The following ADAMTSL1 variants were observed in gnomAD, a reference collection of about 807,000 sequenced individuals.
ADAMTSL1 encodes the protein ADAMTS-like protein 1.
In ADAMTSL1, 126 loss-of-function variants were observed where a neutral mutation model predicts 201.8. That is an observed-to-expected ratio of 0.62 (90% CI 0.54 to 0.72). ADAMTSL1 has a LOEUF of 0.72. Among genes scored for constraint, ADAMTSL1 ranks in the 30% least tolerant of loss-of-function variants. ADAMTSL1 has a pLI of 0.00. For synonymous variants in ADAMTSL1, 1,121 were observed against 903.4 expected (o/e 1.24, Z -4.32); for missense variants, 2,679 against 2,277.8 (o/e 1.18, Z -3.59).
At chr9:18,335,594 T>A (rs59472867) in intron 2 of ADAMTSL1, among the ~76,000 whole-genome samples, 5,803 of 152,246 alleles carry the variant, frequency 0.038, 392 homozygotes, top group African/African-American at 0.13. Context: ...GTGCTTCACA[T>A]GTTCAAGACA....
chr9:18,577,654 A>G (rs1465211972), intron 4 of ADAMTSL1, among the ~76,000 whole-genome samples: 10 of 152,214 alleles, frequency 6.6e-5, no homozygotes, highest in Admixed American at 1.3e-4. Flanking sequence ...AAAATGTTTA[A>G]TAAACTGTAA....
At chr9:17,956,888 T>G (rs1827953235) in intron 1 of ADAMTSL1, among the ~76,000 whole-genome samples, 1 of 152,164 alleles carries the variant, frequency 6.6e-6, no homozygotes, top group African/African-American at 2.4e-5. Context: ...GCCCCTGGTT[T>G]GAATATGAAA....
chr9:18,144,866 G>C (rs1288641490), intron 1 of ADAMTSL1, among the ~76,000 whole-genome samples: 1 of 152,026 alleles, frequency 6.6e-6, no homozygotes, highest in Non-Finnish European at 1.5e-5. Context: ...CTAAACAGTG[G>C]GACTATGATG....
intron 1 of ADAMTSL1, among the ~76,000 whole-genome samples, chr9:18,500,057 A>G (rs1268109684): frequency 2.6e-5 from 4 of 152,224 alleles, no homozygotes; most frequent in Non-Finnish European, 5.9e-5. Context: ...CCAGGTTCCA[A>G]TGAAAGAGGC....
At chr9:18,903,826 G>T (rs1830143146) in intron 26 of ADAMTSL1, among the ~76,000 whole-genome samples, 1 of 150,498 alleles carries the variant, frequency 6.6e-6, no homozygotes, top group South Asian at 2.1e-4. Context: ...ACATACATGG[G>T]TTTCACATCC....
intron 1 of ADAMTSL1, among the ~76,000 whole-genome samples, chr9:18,100,458 C>G (rs567117805): frequency 1.8e-4 from 28 of 152,122 alleles, no homozygotes; most frequent in Non-Finnish European, 3.2e-4. Flanking sequence ...GATGGGCCAC[C>G]ATGCCTGGCT....
chr9:18,372,337 G>A (rs927579924), intron 2 of ADAMTSL1, among the ~76,000 whole-genome samples: 4 of 152,140 alleles, frequency 2.6e-5, no homozygotes, highest in African/African-American at 4.8e-5. Flanking sequence ...AAAGGTAATC[G>A]CATGCCGTGA....
At chr9:18,778,458 C>T (rs1821194516) in intron 19 of ADAMTSL1, among the ~76,000 whole-genome samples, 3 of 152,182 alleles carry the variant, frequency 2.0e-5, no homozygotes, top group Non-Finnish European at 2.9e-5. Context: ...CCTAATATCT[C>T]CTGTTGTCTC....
chr9:18,765,364 G>A (rs1031191120), intron 16 of ADAMTSL1, among the ~76,000 whole-genome samples: 1 of 152,154 alleles, frequency 6.6e-6, no homozygotes, highest in Non-Finnish European at 1.5e-5. Context: ...ATCTGAGTGT[G>A]AATTATAATC....
chr9:18,618,617 G>A lies in ADAMTSL1; in HGVS notation c.475-3626G>A, dbSNP rs1039024369. On this transcript the variant is annotated intron_variant, in intron 4 of 28. Coordinates refer to ENST00000380548, the MANE Select transcript of ADAMTSL1 (RefSeq NM_001040272.6). The stretch of plus-strand genomic sequence containing the variant: ...AAAAAGATGCAATCCGTCCAAGTGC[G>A]GTTCAGGAAACAGGATCTTTCTCTC... Among the ~76,000 whole-genome samples the A allele has an allele frequency of 6.0e-5, 9 of 150,804 alleles. No homozygotes were observed. The East Asian group carries it at 1.2e-3, about 20-fold the overall frequency.
intron 2 of ADAMTSL1, among the ~76,000 whole-genome samples, chr9:18,521,432 C>A (rs770268601): frequency 6.6e-6 from 1 of 151,368 alleles, no homozygotes; most frequent in African/African-American, 2.4e-5. Flanking sequence ...AATACATACA[C>A]CTACTAGATA....
intron 26 of ADAMTSL1, among the ~76,000 whole-genome samples, chr9:18,895,964 T>C (rs1053080110): frequency 3.3e-5 from 5 of 152,178 alleles, no homozygotes; most frequent in African/African-American, 9.7e-5. Context: ...TAGAACTGAA[T>C]TGAAAATTTT....
intron 2 of ADAMTSL1, among the ~76,000 whole-genome samples, chr9:18,168,494 A>G (rs1282855853): frequency 1.3e-5 from 2 of 151,920 alleles, no homozygotes; most frequent in African/African-American, 4.8e-5. Context: ...CATGGTATAT[A>G]TGTGCCACAT....
intron 1 of ADAMTSL1, among the ~76,000 whole-genome samples, chr9:17,987,234 C>G (rs1818965004): frequency 2.0e-5 from 3 of 152,078 alleles, no homozygotes; most frequent in African/African-American, 7.2e-5. Context: ...CCTGGTATTA[C>G]TATCGTAGTG....
At chr9:18,544,671 A>G (rs1564033061) in intron 3 of ADAMTSL1, among the ~76,000 whole-genome samples, 1 of 152,150 alleles carries the variant, frequency 6.6e-6, no homozygotes, top group Non-Finnish European at 1.5e-5. Flanking sequence ...GCAATCACCT[A>G]TATTATTGTC....
At chr9:18,047,350 T>C (rs1821707728) in intron 1 of ADAMTSL1, among the ~76,000 whole-genome samples, 1 of 152,100 alleles carries the variant, frequency 6.6e-6, no homozygotes, top group African/African-American at 2.4e-5. Context: ...TGTCACAACT[T>C]GGTGGGGAGA....
chr9:18,197,113 T>C (rs1302548842), intron 2 of ADAMTSL1, among the ~76,000 whole-genome samples: 1 of 152,162 alleles, frequency 6.6e-6, no homozygotes, highest in Non-Finnish European at 1.5e-5. Context: ...ATTGTGACTG[T>C]CTTATTCAGA....
intron 1 of ADAMTSL1, among the ~76,000 whole-genome samples, chr9:17,931,572 G>A (rs546246203): frequency 7.9e-5 from 12 of 152,264 alleles, no homozygotes; most frequent in African/African-American, 2.6e-4. Context: ...TTCAAGAAAT[G>A]TAAGTATTTT....
At chr9:18,439,149 T>C (rs1819884798) in intron 2 of ADAMTSL1, among the ~76,000 whole-genome samples, 1 of 152,220 alleles carries the variant, frequency 6.6e-6, no homozygotes, top group Non-Finnish European at 1.5e-5. Context: ...TGCCAGGGAC[T>C]TGTGTGTCCT....
Sources: gnomAD v4.1 joint callset for allele counts (sites outside exome capture counted in the v4.1 genomes callset) on GRCh38, gnomAD v4.1.1 for gene constraint, MANE v1.5 for transcripts, NCBI Gene and HGNC (gene_info 2026-07-23, HGNC 2026-07-21) for gene names.